DRC8: variants seen among roughly 807,000 people sequenced by gnomAD.
DRC8 encodes the protein dynein regulatory complex subunit 8, also known as dynein regulatory complex protein 8.
At chr1:244,981,597 G>T in the DRC8 span, among the ~76,000 whole-genome samples, 1 of 152,174 alleles carries the variant, frequency 6.6e-6, no homozygotes, top group African/African-American at 2.4e-5. Context: ...AAAGGTAAGC[G>T]CTTGGAAGTC....
At chr1:244,975,593 T>A in the DRC8 span, among the ~76,000 whole-genome samples, 1 of 152,236 alleles carries the variant, frequency 6.6e-6, no homozygotes, top group Non-Finnish European at 1.5e-5. Flanking sequence ...TGAGGCCGGC[T>A]CACGCCTGTA....
At chr1:245,122,198 C>G in the DRC8 span, 1 of 216,578 alleles carries the variant, frequency 4.6e-6, no homozygotes, top group East Asian at 1.5e-4. Context: ...CCACCGCACC[C>G]GGCTGCTTCC....
chr1:245,050,658 G>A, the DRC8 span, among the ~76,000 whole-genome samples: 2 of 152,162 alleles, frequency 1.3e-5, no homozygotes, highest in Admixed American at 6.5e-5. Context: ...AGTAAGTGCT[G>A]TGGAACTCTC....
the DRC8 span, among the ~76,000 whole-genome samples, chr1:245,005,735 A>T: frequency 6.6e-6 from 1 of 152,220 alleles, no homozygotes; most frequent in African/African-American, 2.4e-5. Flanking sequence ...TAAACTGCTA[A>T]TTATAATATG....
At chr1:244,993,441 TG>T in the DRC8 span, among the ~76,000 whole-genome samples, 1 of 152,238 alleles carries the variant, frequency 6.6e-6, no homozygotes, top group African/African-American at 2.4e-5. Flanking sequence ...TGAGGTTCCT[TG>T]GCTGTAGCTA....
chr1:244,985,001 C>G, the DRC8 span, among the ~76,000 whole-genome samples: 1 of 151,422 alleles, frequency 6.6e-6, no homozygotes, highest in Non-Finnish European at 1.5e-5. Context: ...TACCTAAAAT[C>G]CTTAATGTCT....
chr1:245,025,358 A>G, the DRC8 span, among the ~76,000 whole-genome samples: 1 of 152,158 alleles, frequency 6.6e-6, no homozygotes, highest in Non-Finnish European at 1.5e-5. Context: ...TCTATCATGC[A>G]TTTTCTATGT....
At chr1:245,108,239 G>T in the DRC8 span, among the ~76,000 whole-genome samples, 7 of 151,970 alleles carry the variant, frequency 4.6e-5, no homozygotes, top group African/African-American at 1.7e-4. Context: ...CCAGCCTCCT[G>T]CAGTCTCACT....
the DRC8 span, among the ~76,000 whole-genome samples, chr1:245,014,582 T>A: frequency 6.7e-6 from 1 of 149,682 alleles, no homozygotes; most frequent in Non-Finnish European, 1.5e-5. Context: ...TGGAAAAATA[T>A]AACATTTACG....
chr1:244,987,326 G>A, the DRC8 span, among the ~76,000 whole-genome samples: 3 of 151,400 alleles, frequency 2.0e-5, no homozygotes, highest in South Asian at 4.2e-4. Context: ...TCCGCCTTCC[G>A]AGTAGCTGAG....
the DRC8 span, among the ~76,000 whole-genome samples, chr1:245,109,095 T>C: frequency 6.6e-6 from 1 of 152,188 alleles, no homozygotes; most frequent in Non-Finnish European, 1.5e-5. Flanking sequence ...TAACTGGAGC[T>C]GAATCTTGCT....
chr1:245,043,159 C>T, the DRC8 span, among the ~76,000 whole-genome samples: 116 of 152,212 alleles, frequency 7.6e-4, no homozygotes, highest in African/African-American at 2.6e-3. Context: ...TGACTGAGTG[C>T]GGTGGCTCAC....
the DRC8 span, among the ~76,000 whole-genome samples, chr1:244,999,453 A>G: frequency 3.8e-4 from 58 of 152,120 alleles, 2 homozygotes; most frequent in African/African-American, 4.8e-5. Flanking sequence ...ATTTATATTC[A>G]TGATGTCATC....
chr1:245,099,674 A>C, the DRC8 span, among the ~76,000 whole-genome samples: 2 of 152,248 alleles, frequency 1.3e-5, no homozygotes, highest in African/African-American at 4.8e-5. Context: ...CTCAAAGCAC[A>C]CGCTGATCGC....
the DRC8 span, among the ~76,000 whole-genome samples, chr1:245,041,590 C>G: frequency 6.6e-6 from 1 of 151,986 alleles, no homozygotes; most frequent in Non-Finnish European, 1.5e-5. Flanking sequence ...GGCTGAATTA[C>G]GTCCCCTCCA....
chr1:245,037,465 A>G, the DRC8 span, among the ~76,000 whole-genome samples: 2 of 152,246 alleles, frequency 1.3e-5, no homozygotes, highest in South Asian at 2.1e-4. Context: ...GAAATTAAGG[A>G]CATGATTTCT....
At chr1:245,050,064 A>G in the DRC8 span, among the ~76,000 whole-genome samples, 1 of 152,204 alleles carries the variant, frequency 6.6e-6, no homozygotes, top group Non-Finnish European at 1.5e-5. Flanking sequence ...GCTAGAGGCC[A>G]TCACATCCAT....
At chr1:245,057,156 T>C in the DRC8 span, among the ~76,000 whole-genome samples, 2 of 152,250 alleles carry the variant, frequency 1.3e-5, no homozygotes, top group East Asian at 1.9e-4. Context: ...AACTCTGTGA[T>C]TGGGGCATGA....
the DRC8 span, chr1:244,970,313 G>A: frequency 8.8e-7 from 1 of 1,142,612 alleles, no homozygotes; most frequent in Non-Finnish European, 1.2e-6. Context: ...GGGATTCAGA[G>A]CGGCCCCTCC....
Sources: allele counts gnomAD v4.1 joint callset (sites outside exome capture counted in the v4.1 genomes callset), GRCh38; gene constraint gnomAD v4.1.1; transcripts MANE v1.5; gene names NCBI Gene and HGNC (gene_info 2026-07-23, HGNC 2026-07-21).